The following CWH43 variants were observed in gnomAD, a reference collection of about 807,000 sequenced individuals.
CWH43 encodes the protein cell wall biogenesis 43 C-terminal homolog.
Under a neutral mutation model 85.7 loss-of-function variants are expected in CWH43, and 91 were observed. That is an observed-to-expected ratio of 1.06 (90% CI 0.90 to 1.26). The LOEUF (loss-of-function observed/expected upper bound fraction) is 1.26, where lower values mean the gene tolerates loss of function less well. Among genes scored for constraint, CWH43 ranks in the 50% most tolerant of loss-of-function variants. The pLI is 0.00. For missense variants in CWH43, 869 were observed against 839.2 expected (o/e 1.04, Z -0.44); for synonymous variants, 323 against 293.6 (o/e 1.10, Z -1.02).
At chr4:48,990,652 G>A (rs943414949) in intron 2 of CWH43, among the ~76,000 whole-genome samples, 2 of 152,150 alleles carry the variant, frequency 1.3e-5, no homozygotes. Context: ...GTGTTGACAA[G>A]GATGTGGGGA....
At chr4:49,003,617 C>A in intron 6 of CWH43, 118 bp from the exon 7 acceptor site, 1 of 945,166 alleles carries the variant, frequency 1.1e-6, no homozygotes, top group Non-Finnish European at 1.6e-6. Flanking sequence ...GTTTTCTCAT[C>A]TGTCTGGAGA....
chr4:49,045,655 T>C (rs1480174770), intron 14 of CWH43, among the ~76,000 whole-genome samples: 1 of 152,230 alleles, frequency 6.6e-6, no homozygotes, highest in East Asian at 1.9e-4. Flanking sequence ...TCCAGGCTTG[T>C]GTAAGTATGC....
intron 9 of CWH43, among the ~76,000 whole-genome samples, chr4:49,027,514 GA>G (rs1326562341): frequency 6.6e-6 from 1 of 152,068 alleles, no homozygotes; most frequent in Non-Finnish European, 1.5e-5. Flanking sequence ...GCAGTCATTA[GA>G]TTTTTTTCTG....
chr4:49,010,028 T>C (rs1042541925), intron 8 of CWH43, among the ~76,000 whole-genome samples: 2 of 152,206 alleles, frequency 1.3e-5, no homozygotes, highest in Non-Finnish European at 2.9e-5. Flanking sequence ...TTTCTATTGA[T>C]TGGAATAGTT....
rs1782696857 is a variant in CWH43, at chr4:48,992,763, C to G, written c.511+673C>G. 6.6e-6 allele frequency among the ~76,000 whole-genome samples: 1 copy of G among 152,132 alleles called. No individual in the cohort carries two copies. ...GCTTTTTGTGTAACTCTCAGTGAGT[C>G]ACTGTTCTTCTGTAACTACAAGGTG... On this transcript the variant is annotated intron_variant, in intron 4 of 15. Coordinates refer to ENST00000226432, the MANE Select transcript of CWH43 (RefSeq NM_025087.3). This position sits in a 1 kb window ranked among gnomAD's most constrained non-coding sequence, Gnocchi z 4.3.
intron 14 of CWH43, among the ~76,000 whole-genome samples, chr4:49,046,178 T>C (rs1008506583): frequency 6.6e-6 from 1 of 152,222 alleles, no homozygotes; most frequent in Admixed American, 6.5e-5. Context: ...ACTGTATACA[T>C]ACATATGTGA....
chr4:49,002,642 A>T (rs187853236), intron 6 of CWH43, among the ~76,000 whole-genome samples: 89 of 152,308 alleles, frequency 5.8e-4, no homozygotes, highest in African/African-American at 2.0e-3. Context: ...AAAAAATTCC[A>T]TTGAGAATCT....
chr4:49,046,856 G>A (rs1339239620), intron 14 of CWH43, among the ~76,000 whole-genome samples: 1 of 152,158 alleles, frequency 6.6e-6, no homozygotes, highest in African/African-American at 2.4e-5. Context: ...TCCACAGAGG[G>A]AACATGCTGG....
intron 8 of CWH43, chr4:49,016,940 C>G (rs1426941066): frequency 1.3e-6 from 1 of 783,904 alleles, no homozygotes; most frequent in African/African-American, 1.7e-5. Context: ...CAGTAAAGGC[C>G]CCATTAGTCA....
intron 12 of CWH43, 83 bp from the exon 13 acceptor site, chr4:49,037,953 A>G: frequency 8.3e-7 from 1 of 1,204,430 alleles, no homozygotes. Flanking sequence ...ATATGCAGAT[A>G]GTCTTTGGCA....
intron 8 of CWH43, among the ~76,000 whole-genome samples, 193 bp downstream of exon 8, chr4:49,007,519 A>C (rs1386238569): frequency 1.3e-5 from 2 of 152,168 alleles, no homozygotes; most frequent in Non-Finnish European, 2.9e-5. Flanking sequence ...GTACATGTGC[A>C]CAACGTGCAG....
chr4:49,051,334 T>G (rs1022065248), intron 15 of CWH43, among the ~76,000 whole-genome samples: 2 of 152,178 alleles, frequency 1.3e-5, no homozygotes, highest in Non-Finnish European at 2.9e-5. Flanking sequence ...AGACAGCCTA[T>G]TAGCATCGTT....
At chr4:49,054,843 G>A (rs564656303) in intron 15 of CWH43, among the ~76,000 whole-genome samples, 23 of 151,514 alleles carry the variant, frequency 1.5e-4, no homozygotes, top group South Asian at 4.2e-4. Flanking sequence ...TTTGTATGCC[G>A]CTTTTGTATC....
intron 12 of CWH43, 57 bp from the exon 13 acceptor site, chr4:49,037,979 G>C (rs1389872781): frequency 1.3e-6 from 2 of 1,506,486 alleles, no homozygotes; most frequent in Non-Finnish European, 1.8e-6. Context: ...GGTACCTAAG[G>C]CTTTTTAAAG....
At chr4:48,996,527 A>G (rs1782820107) in intron 5 of CWH43, among the ~76,000 whole-genome samples, 1 of 152,228 alleles carries the variant, frequency 6.6e-6, no homozygotes, top group Non-Finnish European at 1.5e-5. Flanking sequence ...ATCTTCTTCC[A>G]TATCTGGGAG....
chr4:48,988,283 G>A (rs1782551810), intron 1 of CWH43, among the ~76,000 whole-genome samples, 194 bp from the exon 2 acceptor site: 2 of 152,132 alleles, frequency 1.3e-5, no homozygotes, highest in South Asian at 2.1e-4. Context: ...TCAGTGCAGT[G>A]AGTTCTGCGG....
chr4:49,031,284 T>A, intron 11 of CWH43: 1 of 216,912 alleles, frequency 4.6e-6, no homozygotes, highest in Non-Finnish European at 9.0e-6. Flanking sequence ...CACAAAAAAA[T>A]AAATAAGGTA....
Position 49,038,278 on chromosome 4 carries a change from G to A in CWH43, c.1803+98G>A, listed in dbSNP as rs562272831. 1.8e-5 allele frequency: 18 copies of A among 1,019,310 alleles called. No individual in the cohort carries two copies. In the Admixed American group the frequency reaches 3.4e-4, roughly 19 times the overall value. 63.1% of individuals were successfully genotyped at this position (1,019,310 alleles called of 1,614,324 possible). A position where few individuals can be genotyped will look rare whatever the true frequency, so the allele number is the denominator to read the frequency against. ...CCAACCTCACCTAAAAATTTCATGT[G>A]CAGTCTATCTACTGCTGCCTAGAAA... On this transcript the variant is annotated intron_variant, in intron 13 of 15. Coordinates refer to ENST00000226432, the MANE Select transcript of CWH43 (RefSeq NM_025087.3).
At chr4:48,994,846 C>A (rs934434038) in intron 5 of CWH43, 26 bp downstream of exon 5, 13 of 1,599,888 alleles carry the variant, frequency 8.1e-6, no homozygotes, top group Non-Finnish European at 1.0e-5. Flanking sequence ...GAAGCAATCA[C>A]AAAATCGGCA....
Sources: allele counts gnomAD v4.1 joint callset (sites outside exome capture counted in the v4.1 genomes callset), GRCh38; gene constraint gnomAD v4.1.1; non-coding constraint Gnocchi (gnomAD v3.1); transcripts MANE v1.5; gene names NCBI Gene and HGNC (gene_info 2026-07-23, HGNC 2026-07-21).